DEK: variants seen among roughly 807,000 people sequenced by gnomAD.
DEK encodes the protein protein DEK.
DEK carries 28 observed loss-of-function variants against 46.8 expected under a neutral mutation model. That is an observed-to-expected ratio of 0.60 (90% CI 0.44 to 0.82). DEK has a LOEUF of 0.82. Ranked by LOEUF, DEK falls within the 40% of genes least tolerant of loss-of-function variation. DEK has a pLI of 0.00. For missense variants in DEK, 416 were observed against 430.6 expected, an observed-to-expected ratio of 0.97 and a Z score of 0.30; for synonymous variants, 160 against 144.5, an observed-to-expected ratio of 1.11 and a Z score of -0.77.
At chr6:18,260,271 A>G (rs1791797331) in intron 2 of DEK, among the ~76,000 whole-genome samples, 1 of 152,194 alleles carries the variant, frequency 6.6e-6, no homozygotes, top group Non-Finnish European at 1.5e-5. Context: ...GTTTAGGAAT[A>G]ATAAAAAAAT....
Position 18,255,808 on chromosome 6 carries a change from A to T in DEK, c.496T>A (p.Leu166Met). 5 of 1,611,892 alleles carry T rather than the reference A, an allele frequency of 3.1e-6. No homozygotes were observed. Among genetic ancestry groups the T allele is most frequent in the Non-Finnish European group, 4.2e-6 (5 of 1,179,538 alleles). Residue 166 changes from leucine (L) to methionine (M), a missense_variant, in exon 6 of 11, where the codon TTG becomes ATG. By Grantham distance (15) the Leu-to-Met change is conservative. Coordinates refer to ENST00000652689, the MANE Select transcript of DEK (RefSeq NM_003472.4). Reference protein sequence around the residue: ...MLKSICEVLDLERSGVNSELV... With the variant: ...MLKSICEVLDMERSGVNSELV... Reference sequence around the variant, plus strand: ...TCACTATTTACACCTGATCTCTCCAAATCAAGAACCTCACAGATGCTCTTT... The same window carrying T: ...TCACTATTTACACCTGATCTCTCCATATCAAGAACCTCACAGATGCTCTTT...
intron 1 of DEK, 170 bp downstream of exon 1, chr6:18,264,215 C>T (rs1408475976): frequency 1.1e-5 from 4 of 353,580 alleles, no homozygotes; most frequent in Non-Finnish European, 2.0e-5. Flanking sequence ...GCGCCCGCTG[C>T]CCCGCGTGCG....
Position 18,258,376 on chromosome 6 carries a change from C to T in DEK, c.175G>A (p.Glu59Lys). The T allele has an allele frequency of 6.2e-7, 1 of 1,612,436 alleles. No homozygotes were observed. The highest frequency in any genetic ancestry group is 8.5e-7 in the Non-Finnish European group (1 of 1,179,362). ...EKSLIVEGKR[E>K]KKKVERLTMQ... Reference sequence around the variant, plus strand: ...GTCAACCTCTCTACTTTTTTCTTTTCCCTCTTGCCTTCCACGATGAGACTC... The same window carrying T: ...GTCAACCTCTCTACTTTTTTCTTTTTCCTCTTGCCTTCCACGATGAGACTC... Residue 59 changes from glutamate (E) to lysine (K), a missense_variant, in exon 3 of 11, where the codon GAA becomes AAA. Glu to Lys is a moderately conservative substitution (Grantham distance 56). Coordinates refer to ENST00000652689, the MANE Select transcript of DEK (RefSeq NM_003472.4).
rs1174889817 is a variant in DEK at position 18,224,997 on chromosome 6, A to C, written c.*722T>G. ...TGTTGCCATCACTGAATTGACTTTC[A>C]CTGTTCCATCATACTGTTTGGCTGA... On this transcript the variant is annotated 3_prime_UTR_variant, in exon 11 of 11. Transcript: ENST00000652689. 9.2e-6 allele frequency: 2 copies of C among 217,762 alleles called. No individual in the cohort carries two copies. Among genetic ancestry groups the C allele is most frequent in the African/African-American group, 4.5e-5 (2 of 44,638 alleles). 13.5% of individuals were successfully genotyped at this position (217,762 alleles called of 1,614,324 possible).
intron 2 of DEK, among the ~76,000 whole-genome samples, chr6:18,259,870 G>A (rs532728485): frequency 2.6e-5 from 4 of 152,258 alleles, no homozygotes; most frequent in Non-Finnish European, 4.4e-5. Context: ...CTATCAACAG[G>A]TATATTCTGG....
At position 18,224,950 on chromosome 6, in the gene DEK, A is replaced by G. The variant is rs529269580; in HGVS notation, c.*769T>C. The G allele has an allele frequency of 4.6e-6, 1 of 216,344 alleles. No individual in the cohort carries two copies. Among genetic ancestry groups the G allele is most frequent in the East Asian group, 6.9e-5 (1 of 14,508 alleles). The allele number at this position is 216,344 out of a possible 1,614,324, so 13.4% of individuals were successfully genotyped here. On this transcript the variant is annotated 3_prime_UTR_variant, in exon 11 of 11. Coordinates refer to ENST00000652689, the MANE Select transcript of DEK (RefSeq NM_003472.4). ...CAAATTGATGACACTTTCGAGGCAA[A>G]GCAGGGTAACTGTTCCTTCAGTGTT...
intron 3 of DEK, 97 bp from the exon 4 acceptor site, chr6:18,258,159 T>C (rs895590930): frequency 2.7e-6 from 3 of 1,095,246 alleles, no homozygotes; most frequent in Non-Finnish European, 2.6e-6. Flanking sequence ...ATAATTTACA[T>C]GTAACTCTGC....
intron 9 of DEK, among the ~76,000 whole-genome samples, chr6:18,231,844 A>C (rs1348814695): frequency 6.6e-6 from 1 of 152,214 alleles, no homozygotes; most frequent in African/African-American, 2.4e-5. Flanking sequence ...AAAAGAGGGA[A>C]TCCTCCGTAA....
intron 9 of DEK, among the ~76,000 whole-genome samples, chr6:18,231,394 CA>C (rs1554158011): frequency 6.6e-6 from 1 of 151,952 alleles, no homozygotes; most frequent in Non-Finnish European, 1.5e-5. Context: ...GAGACACAGA[CA>C]CAAAAAAACC....
intron 9 of DEK, among the ~76,000 whole-genome samples, chr6:18,228,794 AT>A (rs919536333): frequency 6.6e-6 from 1 of 152,224 alleles, no homozygotes; most frequent in African/African-American, 2.4e-5. Context: ...GCAGTGTAAG[AT>A]TTAACTGCAA....
intron 7 of DEK, among the ~76,000 whole-genome samples, chr6:18,239,624 G>A (rs1169012262): frequency 6.6e-6 from 1 of 152,022 alleles, no homozygotes; most frequent in Non-Finnish European, 1.5e-5. Flanking sequence ...AGGTGTCAAG[G>A]GGCTGACATG....
chr6:18,246,384 C>T (rs529923706), intron 7 of DEK, among the ~76,000 whole-genome samples: 9 of 152,294 alleles, frequency 5.9e-5, no homozygotes, highest in Admixed American at 3.3e-4. Flanking sequence ...ACAAAGAATA[C>T]TCTTTTATTT....
chr6:18,264,044 G>A, intron 1 of DEK, 48 bp from the exon 2 acceptor site: 3 of 1,513,594 alleles, frequency 2.0e-6, no homozygotes, highest in Non-Finnish European at 2.7e-6. Context: ...TACTCCCGCA[G>A]GCAGGACCGG....
In DEK at chr6:18,225,313, TAC is replaced by T. The variant is rs1231586507; in HGVS notation, c.*404_*405del. 11 of 236,454 alleles carry T rather than the reference TAC, an allele frequency of 4.7e-5. No homozygotes were observed. The highest frequency in any genetic ancestry group is 2.4e-4 in the African/African-American group (11 of 45,436). 14.6% of individuals were successfully genotyped at this position (236,454 alleles called of 1,614,324 possible). On this transcript the variant is annotated 3_prime_UTR_variant, in exon 11 of 11. Coordinates refer to ENST00000652689, the MANE Select transcript of DEK (RefSeq NM_003472.4). ...AGATGTGTATTCAAAATATTTCATATACTAAATACTACAATCTCTGTATGTAT... is the reference window on the plus strand; with the variant it reads ...AGATGTGTATTCAAAATATTTCATATTAAATACTACAATCTCTGTATGTAT...
rs751954623 is a variant in DEK, at chr6:18,257,935, A to G, written c.357+18T>C. ...TGAAGTAATATACAAGTAGGTTTAAAGTGTAAAAAGGTCTTACAGTGCCTG... is the reference window on the plus strand; with the variant it reads ...TGAAGTAATATACAAGTAGGTTTAAGGTGTAAAAAGGTCTTACAGTGCCTG... On this transcript the variant is annotated intron_variant, in intron 4 of 10. Transcript: ENST00000652689. 6.5e-7 allele frequency: 1 copy of G among 1,546,248 alleles called. No homozygotes were observed. Among genetic ancestry groups the G allele is most frequent in the Non-Finnish European group, 8.8e-7 (1 of 1,138,696 alleles).
At chr6:18,244,108 T>G (rs1401541186) in intron 7 of DEK, among the ~76,000 whole-genome samples, 1 of 152,224 alleles carries the variant, frequency 6.6e-6, no homozygotes, top group African/African-American at 2.4e-5. Flanking sequence ...CATCTTGTTA[T>G]TTAACCTAAG....
rs919253731 is a variant in DEK, at chr6:18,223,987, T to C, written c.*1732A>G. 3 of 153,264 alleles carry C rather than the reference T, an allele frequency of 2.0e-5. No individual in the cohort carries two copies. In the South Asian group the frequency reaches 6.2e-4, roughly 32 times the overall value. The allele number at this position is 153,264 out of a possible 1,614,324, so 9.5% of individuals were successfully genotyped here. On this transcript the variant is annotated 3_prime_UTR_variant, in exon 11 of 11. Coordinates refer to ENST00000652689, the MANE Select transcript of DEK (RefSeq NM_003472.4). ...TACTTACCTTCTTTATAGCAAATGG[T>C]CATAAAATTAACCTTAATTATTCAG...
intron 7 of DEK, among the ~76,000 whole-genome samples, chr6:18,247,145 G>A (rs1009063432): frequency 6.6e-6 from 1 of 152,096 alleles, no homozygotes; most frequent in African/African-American, 2.4e-5. Context: ...AGTTGCCACA[G>A]ATACACTGTT....
chr6:18,250,285 C>T (rs1029725784), intron 6 of DEK, among the ~76,000 whole-genome samples: 6 of 152,020 alleles, frequency 3.9e-5, no homozygotes, highest in Non-Finnish European at 5.9e-5. Context: ...CTGGCTAACA[C>T]GGTGAAACCC....
Sources: allele counts gnomAD v4.1 joint callset (sites outside exome capture counted in the v4.1 genomes callset), GRCh38; gene constraint gnomAD v4.1.1; transcripts MANE v1.5; gene names NCBI Gene and HGNC (gene_info 2026-07-23, HGNC 2026-07-21).